The following PPM1H variants were observed in gnomAD, a reference collection of about 807,000 sequenced individuals.
PPM1H encodes protein phosphatase, Mg2+/Mn2+ dependent 1H.
In PPM1H, 27 loss-of-function variants were observed where a neutral mutation model predicts 54.9. The ratio of observed to expected loss-of-function variants is 0.49; its 90% CI spans 0.36 to 0.68. The LOEUF is 0.68. PPM1H is among the 30% of genes least tolerant of loss of function. The pLI is 0.00. For missense variants in PPM1H, 596 were observed against 667.8 expected, an observed-to-expected ratio of 0.89 and a Z score of 1.19; for synonymous variants, 305 against 270.8, an observed-to-expected ratio of 1.13 and a Z score of -1.24.
chr12:62,853,738 A>G (rs898522924), intron 1 of PPM1H, among the ~76,000 whole-genome samples: 10 of 152,254 alleles, frequency 6.6e-5, no homozygotes, highest in African/African-American at 2.4e-4. Context: ...AGGGAACAAC[A>G]TCCTCATCAT....
intron 1 of PPM1H, among the ~76,000 whole-genome samples, chr12:62,879,629 G>T (rs899341068): frequency 3.3e-5 from 5 of 152,038 alleles, no homozygotes; most frequent in African/African-American, 1.2e-4. Flanking sequence ...GGAGGTTGGG[G>T]GAGGGATAGC....
Position 62,832,235 on chromosome 12 carries a change from C to T in PPM1H, c.290G>A (p.Ser97Asn). ...GKSTHNEDQA[S>N]CEVLTVKKKA... is the part of the protein sequence containing the mutation. ...CTTCTTCACAGTGAGCACCTCACAG[C>T]TGGCTTGGTCTTCATTGTGTGTGCT... Residue 97 changes from serine to asparagine, a missense_variant, in exon 2 of 10, where the codon AGC (serine) becomes AAC (asparagine). By Grantham distance (46) the Ser-to-Asn change is conservative. Coordinates refer to ENST00000228705, the MANE Select transcript of PPM1H (RefSeq NM_020700.2). The T allele has an allele frequency of 6.2e-7, 1 of 1,613,430 alleles. No individual in the cohort carries two copies. Among genetic ancestry groups the T allele is most frequent in the African/African-American group, 1.3e-5 (1 of 75,014 alleles).
At chr12:62,830,915 G>A (rs75758246) in intron 2 of PPM1H, among the ~76,000 whole-genome samples, 3 of 80,628 alleles carry the variant, frequency 3.7e-5, no homozygotes, top group Admixed American at 1.1e-4. Context: ...GTGCAGTGGC[G>A]TGATCTCAGC....
At chr12:62,727,016 G>A (rs1482621732) in intron 5 of PPM1H, among the ~76,000 whole-genome samples, 3 of 152,046 alleles carry the variant, frequency 2.0e-5, no homozygotes, top group Admixed American at 1.3e-4. Flanking sequence ...CTGGGTTCAA[G>A]CAATTCTCCT....
At chr12:62,769,131 G>A (rs1287101583) in intron 4 of PPM1H, among the ~76,000 whole-genome samples, 2 of 152,156 alleles carry the variant, frequency 1.3e-5, no homozygotes, top group African/African-American at 4.8e-5. Flanking sequence ...TGCTGGCAAT[G>A]CACTAAAACA....
chr12:62,768,329 C>G (rs957059413), intron 4 of PPM1H, among the ~76,000 whole-genome samples: 1 of 152,034 alleles, frequency 6.6e-6, no homozygotes, highest in Non-Finnish European at 1.5e-5. Context: ...GGAAATGCAG[C>G]CAGGGAATGC....
rs75821772 is a variant in PPM1H, at chr12:62,673,532, T to C, written c.1246-6203A>G. On this transcript the variant is annotated intron_variant, in intron 8 of 9. Coordinates refer to ENST00000228705, the MANE Select transcript of PPM1H (RefSeq NM_020700.2). ...CTCTAGGATGCCCTCACAGCTTTTG[T>C]GTCTTGATCAGTTCAGCAGATTCTC... Among the ~76,000 whole-genome samples, 26 of 152,186 alleles carry C rather than the reference T, an allele frequency of 1.7e-4. 1 individual carries two copies. The East Asian group carries it at 4.8e-3, about 28-fold the overall frequency.
chr12:62,846,874 C>A (rs1193853584), intron 1 of PPM1H, among the ~76,000 whole-genome samples: 1 of 152,206 alleles, frequency 6.6e-6, no homozygotes, highest in Admixed American at 6.5e-5. Flanking sequence ...GGTATCCTAG[C>A]TCTGCCACTG....
intron 4 of PPM1H, among the ~76,000 whole-genome samples, chr12:62,786,365 T>C (rs2076671448): frequency 6.6e-6 from 1 of 152,202 alleles, no homozygotes; most frequent in South Asian, 2.1e-4. Context: ...ATGTGCTGGT[T>C]CTTTTCCATC....
intron 5 of PPM1H, among the ~76,000 whole-genome samples, chr12:62,722,320 C>T (rs894561222): frequency 1.3e-5 from 2 of 152,110 alleles, no homozygotes; most frequent in African/African-American, 4.8e-5. Context: ...CATGTGCCAG[C>T]CCCATACCAG....
At chr12:62,731,995 C>T (rs1206251146) in intron 5 of PPM1H, among the ~76,000 whole-genome samples, 1 of 152,184 alleles carries the variant, frequency 6.6e-6, no homozygotes, top group East Asian at 1.9e-4. Flanking sequence ...TGAGCCTTGA[C>T]TCCACCAAAA....
intron 4 of PPM1H, among the ~76,000 whole-genome samples, chr12:62,747,454 G>T (rs1486174058): frequency 1.3e-5 from 2 of 152,156 alleles, no homozygotes; most frequent in Non-Finnish European, 2.9e-5. Context: ...AAATTTTTTA[G>T]AGATGGGTAC....
Position 62,766,378 on chromosome 12 carries a change from A to G in PPM1H, c.869+21848T>C, listed in dbSNP as rs569990902. ...CACACACAAAATAAAATAAAAATAT[A>G]TGTGGAAAATAAAACTAGAAAGATC... On this transcript the variant is annotated intron_variant, in intron 4 of 9. Coordinates refer to ENST00000228705, the MANE Select transcript of PPM1H (RefSeq NM_020700.2). Among the ~76,000 whole-genome samples the G allele has an allele frequency of 2.0e-4, 31 of 152,258 alleles. No homozygotes were observed. The South Asian group carries it at 6.4e-3, about 32-fold the overall frequency.
chr12:62,877,583 A>G (rs1468469602), intron 1 of PPM1H, among the ~76,000 whole-genome samples: 1 of 152,200 alleles, frequency 6.6e-6, no homozygotes. Context: ...TGAAATATAT[A>G]TGATTTTCCT....
At chr12:62,894,090 C>T (rs908856330) in intron 1 of PPM1H, among the ~76,000 whole-genome samples, 10 of 152,110 alleles carry the variant, frequency 6.6e-5, no homozygotes, top group Non-Finnish European at 8.8e-5. Context: ...GCCACCTAAG[C>T]GACTCCTGAC....
chr12:62,670,119 A>G (rs544764714), intron 8 of PPM1H, among the ~76,000 whole-genome samples: 4 of 151,684 alleles, frequency 2.6e-5, no homozygotes, highest in African/African-American at 7.3e-5. Context: ...CTGGGATTAC[A>G]GGCATGTGCC....
intron 1 of PPM1H, among the ~76,000 whole-genome samples, chr12:62,873,901 T>C (rs1870074471): frequency 6.6e-6 from 1 of 152,150 alleles, no homozygotes; most frequent in South Asian, 2.1e-4. Flanking sequence ...GAACGTTAGA[T>C]AGAACTTCTC....
At position 62,884,515 on chromosome 12, in the gene PPM1H, A is replaced by AAAAAG. The variant is rs1555203634; in HGVS notation, c.245+49976_245+49977insCTTTT. Among the ~76,000 whole-genome samples, 707 of 146,342 alleles carry AAAAAG rather than the reference A, an allele frequency of 4.8e-3. 3 individuals are homozygous for AAAAAG. Among genetic ancestry groups the AAAAAG allele is most frequent in the Admixed American group, 0.018 (268 of 14,558 alleles). ...AAACTCCATATCAAAAAAAAAAAAA[A>AAAAAG]AAAGAAAGAAAGAAAGAGAGAAAAG... On this transcript the variant is annotated intron_variant, in intron 1 of 9. Transcript: ENST00000228705.
chr12:62,862,869 T>C (rs1285150664), intron 1 of PPM1H, among the ~76,000 whole-genome samples: 1 of 152,232 alleles, frequency 6.6e-6, no homozygotes, highest in African/African-American at 2.4e-5. Context: ...TTTCAATCTT[T>C]TAAAAATGCT....
Sources: gnomAD v4.1 joint callset for allele counts (sites outside exome capture counted in the v4.1 genomes callset) on GRCh38, gnomAD v4.1.1 for gene constraint, MANE v1.5 for transcripts, NCBI Gene and HGNC (gene_info 2026-07-23, HGNC 2026-07-21) for gene names.